The following FHIT variants were observed in gnomAD, a reference collection of about 807,000 sequenced individuals.
FHIT encodes fragile histidine triad diadenosine triphosphatase, also known as bis(5'-adenosyl)-triphosphatase.
In FHIT, 19 loss-of-function variants were observed where a neutral mutation model predicts 17.9. That is an observed-to-expected ratio of 1.06 (90% CI 0.74 to 1.56). The LOEUF is 1.56. FHIT is among the 40% of genes most tolerant of loss of function. The probability of loss-of-function intolerance (pLI) is 0.00; values close to 1 mark genes in which losing one functional copy is unlikely to be tolerated. For synonymous variants in FHIT, 81 were observed against 69.7 expected, an observed-to-expected ratio of 1.16 and a Z score of -0.81; for missense variants, 248 against 189.2, an observed-to-expected ratio of 1.31 and a Z score of -1.82.
At chr3:60,748,930 A>G (rs1242134445) in intron 4 of FHIT, among the ~76,000 whole-genome samples, 2 of 152,242 alleles carry the variant, frequency 1.3e-5, no homozygotes, top group African/African-American at 4.8e-5. Flanking sequence ...AAGTCTATAC[A>G]TGTTCAGCAC....
At chr3:60,190,319 T>C (rs1182356262) in intron 5 of FHIT, among the ~76,000 whole-genome samples, 3 of 151,770 alleles carry the variant, frequency 2.0e-5, no homozygotes, top group Non-Finnish European at 4.4e-5. Context: ...CGCAGTGAAA[T>C]GGCTAATGGC....
intron 7 of FHIT, among the ~76,000 whole-genome samples, chr3:59,986,540 T>TACACACACACACACAC (rs1315976727): frequency 1.6e-4 from 2 of 12,456 alleles, no homozygotes; most frequent in Non-Finnish European, 2.7e-4. Context: ...TATATATATA[T>TACACACACACACACAC]ACACACACAC....
rs760495072 is a variant in FHIT at position 60,070,609 on chromosome 3, T to C, written c.104-56457A>G. Among the ~76,000 whole-genome samples the C allele has an allele frequency of 5.4e-4, 83 of 152,302 alleles. No individual in the cohort carries two copies. The Middle Eastern group carries it at 0.014, about 25-fold the overall frequency. On this transcript the variant is annotated intron_variant, in intron 5 of 9. Transcript: ENST00000492590. ...ATTTGGGAGCTTTTGTCACATTCTT[T>C]AGGTGCTTCCGGGATGCCACCAGTG...
intron 3 of FHIT, among the ~76,000 whole-genome samples, chr3:60,846,585 T>A (rs1442728190): frequency 6.6e-6 from 1 of 152,074 alleles, no homozygotes; most frequent in Non-Finnish European, 1.5e-5. Flanking sequence ...ATCAGTTGAG[T>A]TAGAATAAAG....
chr3:60,574,243 TTC>T (rs2037489233), intron 4 of FHIT, among the ~76,000 whole-genome samples: 1 of 152,134 alleles, frequency 6.6e-6, no homozygotes, highest in African/African-American at 2.4e-5. Flanking sequence ...TTATCCTGAC[TTC>T]TTTCTCACTT....
intron 8 of FHIT, among the ~76,000 whole-genome samples, chr3:59,808,571 T>C (rs535352407): frequency 6.6e-6 from 1 of 152,304 alleles, no homozygotes; most frequent in Non-Finnish European, 1.5e-5. Context: ...CTGTTGACAC[T>C]TGCTTGCCAA....
chr3:60,626,906 G>T (rs1204736706), intron 4 of FHIT, among the ~76,000 whole-genome samples: 2 of 151,252 alleles, frequency 1.3e-5, no homozygotes, highest in African/African-American at 4.9e-5. Context: ...TCATGAAAGG[G>T]TGTTAAATGT....
chr3:60,491,141 G>T (rs780231802), intron 5 of FHIT, among the ~76,000 whole-genome samples: 4 of 152,078 alleles, frequency 2.6e-5, no homozygotes, highest in Non-Finnish European at 4.4e-5. Context: ...AATAAGCTCA[G>T]ATCTGAAAGG....
chr3:60,680,560 AT>A (rs56306198), intron 4 of FHIT, among the ~76,000 whole-genome samples: 8 of 145,830 alleles, frequency 5.5e-5, no homozygotes, highest in Admixed American at 1.4e-4. Flanking sequence ...TTCATCATCT[AT>A]TTTTTTTTTT....
At chr3:60,883,654 A>T (rs1364212028) in intron 3 of FHIT, among the ~76,000 whole-genome samples, 1 of 152,004 alleles carries the variant, frequency 6.6e-6, no homozygotes, top group African/African-American at 2.4e-5. Context: ...AAAACTGGAT[A>T]TCCATATGCA....
chr3:61,160,339 C>T (rs928717584), intron 2 of FHIT, among the ~76,000 whole-genome samples: 6 of 152,162 alleles, frequency 3.9e-5, no homozygotes, highest in African/African-American at 1.2e-4. Context: ...GAATCATGTA[C>T]ATAAGTTCTT....
chr3:60,144,732 G>C (rs967385143), intron 5 of FHIT, among the ~76,000 whole-genome samples: 2 of 151,908 alleles, frequency 1.3e-5, no homozygotes, highest in Non-Finnish European at 2.9e-5. Context: ...GCACTTATTT[G>C]GTGAAAACCT....
chr3:60,848,400 C>T (rs578230056), intron 3 of FHIT, among the ~76,000 whole-genome samples: 1 of 152,190 alleles, frequency 6.6e-6, no homozygotes, highest in South Asian at 2.1e-4. Flanking sequence ...GTCATGGCTC[C>T]AGGTCTCAGA....
chr3:59,898,444 G>A (rs964429810), intron 8 of FHIT, among the ~76,000 whole-genome samples: 24 of 101,432 alleles, frequency 2.4e-4, no homozygotes, highest in Admixed American at 2.0e-3. Flanking sequence ...GTGTATGTTT[G>A]TGTGTGTGTG....
At chr3:60,890,059 A>G (rs1705431479) in intron 3 of FHIT, among the ~76,000 whole-genome samples, 1 of 152,126 alleles carries the variant, frequency 6.6e-6, no homozygotes, top group African/African-American at 2.4e-5. Context: ...CATCAGTAAA[A>G]CTATTTTTAA....
chr3:61,004,414 A>G (rs2031305840), intron 3 of FHIT, among the ~76,000 whole-genome samples: 1 of 152,184 alleles, frequency 6.6e-6, no homozygotes, highest in African/African-American at 2.4e-5. Flanking sequence ...AATTAGAATA[A>G]TTTGAGGAAG....
chr3:60,596,059 G>T, intron 4 of FHIT: 1 of 259,146 alleles, frequency 3.9e-6, no homozygotes, highest in Non-Finnish European at 6.0e-6. Context: ...CCTCCCTTCT[G>T]ATTTCTCCAT....
chr3:60,630,394 A>G (rs1297487915), intron 4 of FHIT, among the ~76,000 whole-genome samples: 2 of 152,230 alleles, frequency 1.3e-5, no homozygotes, highest in Non-Finnish European at 2.9e-5. Flanking sequence ...GCTCTCGTTG[A>G]TCACAAAGGA....
At chr3:61,214,198 A>G (rs1342293912) in intron 1 of FHIT, among the ~76,000 whole-genome samples, 3 of 152,230 alleles carry the variant, frequency 2.0e-5, no homozygotes, top group African/African-American at 7.2e-5. Flanking sequence ...AAACCCTTCA[A>G]AAAATTAATG....
Sources: allele counts gnomAD v4.1 joint callset (sites outside exome capture counted in the v4.1 genomes callset), GRCh38; gene constraint gnomAD v4.1.1; transcripts MANE v1.5; gene names NCBI Gene and HGNC (gene_info 2026-07-23, HGNC 2026-07-21).